The following INPP5B variants were observed in gnomAD, a reference collection of about 807,000 sequenced individuals.
INPP5B encodes the protein type II inositol 1,4,5-trisphosphate 5-phosphatase.
In INPP5B, 90 loss-of-function variants were observed where a neutral mutation model predicts 118.5. The ratio of observed to expected loss-of-function variants is 0.76; its 90% CI spans 0.64 to 0.90. The LOEUF (loss-of-function observed/expected upper bound fraction) is 0.90. INPP5B is among the 40% of genes least tolerant of loss of function. The probability of loss-of-function intolerance (pLI) is 0.00; values close to 1 mark genes in which losing one functional copy is unlikely to be tolerated. For synonymous variants in INPP5B, 385 were observed against 418.9 expected, an observed-to-expected ratio of 0.92 and a Z score of 0.99; for missense variants, 984 against 1,125.6, an observed-to-expected ratio of 0.87 and a Z score of 1.80.
intron 13 of INPP5B, chr1:37,883,744 A>G: frequency 2.0e-6 from 2 of 985,394 alleles, no homozygotes; most frequent in Non-Finnish European, 2.4e-6. Context: ...TGGAGAAGAA[A>G]AACCATCCTG....
At chr1:37,915,627 T>C (rs903715372) in intron 7 of INPP5B, among the ~76,000 whole-genome samples, 1 of 152,232 alleles carries the variant, frequency 6.6e-6, no homozygotes, top group African/African-American at 2.4e-5. Flanking sequence ...ACCACACTTA[T>C]AAATATTCAC....
Position 37,887,482 on chromosome 1 carries a change from C to A in INPP5B, c.900-17G>T. On this transcript the variant is annotated splice_polypyrimidine_tract_variant and intron_variant, in intron 10 of 23. Transcript: ENST00000373024. ...TCCTGGAACCTATTTTGAGAAGCAACCAGTTAGATAGTAAAGAAAAGTAAT... is the reference window on the plus strand; with the variant it reads ...TCCTGGAACCTATTTTGAGAAGCAAACAGTTAGATAGTAAAGAAAAGTAAT... The A allele has an allele frequency of 4.2e-6, 6 of 1,433,270 alleles. No homozygotes were observed. The highest frequency in any genetic ancestry group is 5.9e-6 in the Non-Finnish European group (6 of 1,019,800). The allele number at this position is 1,433,270 out of a possible 1,614,324, so 88.8% of individuals were successfully genotyped here.
At chr1:37,944,944 A>G (rs1646065048) in intron 3 of INPP5B, among the ~76,000 whole-genome samples, 1 of 152,042 alleles carries the variant, frequency 6.6e-6, no homozygotes, top group South Asian at 2.1e-4. Flanking sequence ...TTTAATATGG[A>G]CAAATCGAGG....
At chr1:37,946,386 G>A (rs41268245) in intron 1 of INPP5B, 52 bp from the exon 2 acceptor site, 21,495 of 1,396,002 alleles carry the variant, frequency 0.015, 229 homozygotes, top group Non-Finnish European at 0.019. Context: ...TACGCATGGG[G>A]TGGTGGAGCT....
chr1:37,862,429 A>AG lies in INPP5B; in HGVS notation c.2627dup (p.Ser877Ter), dbSNP rs1170395264. ...GAAGCAATAAGCTGCCAAATATGCT[A>AG]GCTGCAAGAAAAAACACAGAAAAGA... On this transcript the variant is annotated frameshift_variant and splice_region_variant, in exon 24 of 24. Coordinates refer to ENST00000373024, the MANE Select transcript of INPP5B (RefSeq NM_005540.3). LOFTEE classifies it high-confidence loss of function. The AG allele has an allele frequency of 3.8e-6, 6 of 1,595,900 alleles. No individual in the cohort carries two copies. The highest frequency in any genetic ancestry group is 1.7e-4 in the Middle Eastern group (1 of 6,060).
At chr1:37,869,605 G>A (rs972349603) in intron 19 of INPP5B, among the ~76,000 whole-genome samples, 18 of 151,794 alleles carry the variant, frequency 1.2e-4, no homozygotes, top group African/African-American at 3.6e-4. Flanking sequence ...TCAGCCTCCC[G>A]AGCAGCTGGG....
At chr1:37,872,095 G>A (rs577125225) in intron 19 of INPP5B, among the ~76,000 whole-genome samples, 2 of 139,132 alleles carry the variant, frequency 1.4e-5, no homozygotes, top group South Asian at 2.4e-4. Flanking sequence ...AGCCAGGCGC[G>A]GTGGCTCATG....
intron 7 of INPP5B, among the ~76,000 whole-genome samples, chr1:37,928,358 T>G (rs185209851): frequency 0.011 from 1,662 of 150,532 alleles, 34 homozygotes; most frequent in African/African-American, 0.039. Flanking sequence ...TTTTTTGGGG[T>G]TTTTTTGTTT....
Position 37,883,893 on chromosome 1 carries a change from A to G in INPP5B, c.1320-975T>C, listed in dbSNP as rs1290191640. On this transcript the variant is annotated intron_variant, in intron 13 of 23. Transcript: ENST00000373024. ...CTTTATAAAAGAAGTGGCGTATGTT[A>G]TCATAAAGTCTAAAATTCTAAGGCT... The G allele has an allele frequency of 3.1e-6, 3 of 968,098 alleles. No individual in the cohort carries two copies. In the African/African-American group the frequency reaches 5.3e-5, roughly 17 times the overall value. The allele number at this position is 968,098 out of a possible 1,614,324, so 60.0% of individuals were successfully genotyped here.
At chr1:37,870,858 C>A in intron 19 of INPP5B, 1 of 152,460 alleles carries the variant, frequency 6.6e-6, no homozygotes, top group Non-Finnish European at 1.5e-5. Flanking sequence ...TCTTTCCTAT[C>A]AAGAAGTGGA....
At chr1:37,878,548 C>T in intron 15 of INPP5B, 1 of 941,006 alleles carries the variant, frequency 1.1e-6, no homozygotes, top group Non-Finnish European at 1.3e-6. Context: ...AGAGTTCAGA[C>T]TGATTCTCTG....
chr1:37,874,217 C>T, intron 17 of INPP5B, 62 bp from the exon 18 acceptor site: 2 of 1,292,364 alleles, frequency 1.5e-6, no homozygotes, highest in Admixed American at 2.1e-5. Flanking sequence ...TGCCCAGCCA[C>T]CCCAACTGGG....
At chr1:37,932,089 A>C in intron 6 of INPP5B, 36 bp from the exon 7 acceptor site, 1 of 1,525,844 alleles carries the variant, frequency 6.6e-7, no homozygotes. Context: ...CTGAGCCACG[A>C]GCTTGAAGAG....
At chr1:37,912,298 G>A (rs1181334931) in intron 7 of INPP5B, among the ~76,000 whole-genome samples, 1 of 152,132 alleles carries the variant, frequency 6.6e-6, no homozygotes, top group Non-Finnish European at 1.5e-5. Context: ...CATCATTCCA[G>A]AATAAAGCTG....
At chr1:37,911,312 C>T (rs1644689940) in intron 7 of INPP5B, among the ~76,000 whole-genome samples, 1 of 152,166 alleles carries the variant, frequency 6.6e-6, no homozygotes, top group African/African-American at 2.4e-5. Context: ...GTTGAGTCTC[C>T]CACAGTTACT....
Position 37,880,200 on chromosome 1 carries a change from CA to C in INPP5B, c.1432-7del, listed in dbSNP as rs1476729444. 2 of 1,591,202 alleles carry C rather than the reference CA, an allele frequency of 1.3e-6. No individual in the cohort carries two copies. The highest frequency in any genetic ancestry group is 1.7e-6 in the Non-Finnish European group (2 of 1,163,634). On this transcript the variant is annotated splice_polypyrimidine_tract_variant and splice_region_variant and intron_variant, in intron 14 of 23. Transcript: ENST00000373024. ...GCGGCCACCTGAATTTTCAGCTATA[CA>C]AAAGGATGGGAGAAAAAAAAATATC...
At chr1:37,924,359 G>C (rs984201208) in intron 7 of INPP5B, among the ~76,000 whole-genome samples, 1 of 151,032 alleles carries the variant, frequency 6.6e-6, no homozygotes, top group African/African-American at 2.4e-5. Flanking sequence ...AGTAGAAACA[G>C]GGTTTCGCCA....
intron 20 of INPP5B, 26 bp from the exon 21 acceptor site, chr1:37,866,569 A>T: frequency 7.2e-7 from 1 of 1,380,576 alleles, no homozygotes; most frequent in Non-Finnish European, 1.0e-6. Flanking sequence ...CAGTAACAAA[A>T]TAATTATTTT....
intron 22 of INPP5B, among the ~76,000 whole-genome samples, chr1:37,865,301 T>C (rs1641961704): frequency 6.6e-6 from 1 of 152,198 alleles, no homozygotes; most frequent in Non-Finnish European, 1.5e-5. Context: ...CCAAGCTAGA[T>C]CATAGAACGT....
Sources: allele counts gnomAD v4.1 joint callset (sites outside exome capture counted in the v4.1 genomes callset), GRCh38; gene constraint gnomAD v4.1.1; transcripts MANE v1.5; gene names NCBI Gene and HGNC (gene_info 2026-07-23, HGNC 2026-07-21).